PPFIA2: variants seen among roughly 807,000 people sequenced by gnomAD.
PPFIA2 encodes the protein PPFI scaffold protein A2.
Under a neutral mutation model 175.5 loss-of-function variants are expected in PPFIA2, and 46 were observed. That is an observed-to-expected ratio of 0.26 (90% confidence interval 0.21 to 0.34). PPFIA2 has a LOEUF of 0.34. PPFIA2 is among the 10% of genes least tolerant of loss of function. PPFIA2 has a pLI of 1.00. For synonymous variants in PPFIA2, 568 were observed against 511.4 expected (o/e 1.11, Z -1.49); for missense variants, 1,179 against 1,506.1 (o/e 0.78, Z 3.60).
At chr12:81,599,349 T>C (rs2059568212) in intron 4 of PPFIA2, among the ~76,000 whole-genome samples, 1 of 152,008 alleles carries the variant, frequency 6.6e-6, no homozygotes, top group African/African-American at 2.4e-5. Flanking sequence ...TCTCCAATTA[T>C]GCATGAAGTT....
At chr12:81,626,537 G>C (rs1410977365) in intron 4 of PPFIA2, among the ~76,000 whole-genome samples, 1 of 152,004 alleles carries the variant, frequency 6.6e-6, no homozygotes, top group Non-Finnish European at 1.5e-5. Flanking sequence ...CTCTTGTGCT[G>C]TTTGAGTCAC....
At chr12:81,456,877 T>A (rs2053653602) in intron 5 of PPFIA2, among the ~76,000 whole-genome samples, 1 of 152,146 alleles carries the variant, frequency 6.6e-6, no homozygotes, top group South Asian at 2.1e-4. Context: ...TTTCATGAAA[T>A]CAGAATATCA....
At chr12:81,599,555 T>C (rs1409620984) in intron 4 of PPFIA2, among the ~76,000 whole-genome samples, 2 of 152,016 alleles carry the variant, frequency 1.3e-5, no homozygotes, top group Non-Finnish European at 2.9e-5. Flanking sequence ...GTACAGAGAA[T>C]TCCTGTATGT....
intron 3 of PPFIA2, among the ~76,000 whole-genome samples, chr12:81,713,235 A>G (rs1406449411): frequency 6.6e-6 from 1 of 151,136 alleles, no homozygotes; most frequent in African/African-American, 2.4e-5. Flanking sequence ...CTTCAAAGCA[A>G]ACTTATGAGG....
At chr12:81,572,108 T>C (rs144199051) in intron 4 of PPFIA2, among the ~76,000 whole-genome samples, 2,242 of 152,180 alleles carry the variant, frequency 0.015, 48 homozygotes, top group East Asian at 0.042. Flanking sequence ...GCTGGTCTCC[T>C]TGCTTTGTTA....
intron 4 of PPFIA2, among the ~76,000 whole-genome samples, chr12:81,646,185 A>C (rs1260044380): frequency 6.6e-6 from 1 of 152,186 alleles, no homozygotes; most frequent in Non-Finnish European, 1.5e-5. Flanking sequence ...GGGAGGAGTA[A>C]GACACCAACT....
rs541728256 is a variant in PPFIA2, at chr12:81,514,839, TA to T, written c.304-56974del. On this transcript the variant is annotated intron_variant, in intron 4 of 32. Transcript: ENST00000549396. ...TTCCTTGATACAAGATTGGTAGAAA[TA>T]AATTAACTCATTTATTATTCTATGA... 1.8e-4 allele frequency among the ~76,000 whole-genome samples: 28 copies of T among 152,088 alleles called. No individual in the cohort carries two copies. The East Asian group carries it at 5.2e-3, about 28-fold the overall frequency.
intron 7 of PPFIA2, among the ~76,000 whole-genome samples, chr12:81,437,526 C>T (rs538389555): frequency 6.6e-6 from 1 of 152,302 alleles, no homozygotes; most frequent in East Asian, 1.9e-4. Flanking sequence ...AACCACCACA[C>T]CTGGCCTATG....
chr12:81,398,191 T>C (rs906968022), intron 8 of PPFIA2, among the ~76,000 whole-genome samples: 2 of 152,010 alleles, frequency 1.3e-5, no homozygotes, highest in Admixed American at 6.6e-5. Context: ...TTGGGGACCA[T>C]TGGAGTAGAC....
At chr12:81,583,203 T>A (rs2153430594) in intron 4 of PPFIA2, among the ~76,000 whole-genome samples, 1 of 152,054 alleles carries the variant, frequency 6.6e-6, no homozygotes, top group East Asian at 1.9e-4. Flanking sequence ...AAGACATTAT[T>A]TCCAATATTT....
chr12:81,632,944 G>A (rs539017214), intron 4 of PPFIA2, among the ~76,000 whole-genome samples: 1 of 152,166 alleles, frequency 6.6e-6, no homozygotes, highest in East Asian at 1.9e-4. Context: ...TGGCATTGGA[G>A]CCCATACTGC....
intron 4 of PPFIA2, among the ~76,000 whole-genome samples, chr12:81,567,271 G>A (rs1464992829): frequency 6.6e-6 from 1 of 152,052 alleles, no homozygotes; most frequent in South Asian, 2.1e-4. Context: ...GGATGGTCTC[G>A]ATCTCCTGAC....
At chr12:81,277,437 A>G in intron 27 of PPFIA2, 23 bp from the exon 28 acceptor site, 2 of 1,490,950 alleles carry the variant, frequency 1.3e-6, no homozygotes, top group Non-Finnish European at 1.8e-6. Flanking sequence ...TTAAAAAAAA[A>G]AAAACACAGT....
At chr12:81,416,149 TAAG>T (rs1395038526) in intron 7 of PPFIA2, among the ~76,000 whole-genome samples, 4 of 151,502 alleles carry the variant, frequency 2.6e-5, no homozygotes, top group African/African-American at 9.7e-5. Flanking sequence ...GGAAGAATAG[TAAG>T]AAAAATAGCC....
At chr12:81,362,021 C>G (rs527946636) in intron 15 of PPFIA2, among the ~76,000 whole-genome samples, 79 of 148,302 alleles carry the variant, frequency 5.3e-4, no homozygotes, top group African/African-American at 1.5e-3. Context: ...ATCTATCTAT[C>G]TATCTATCTA....
chr12:81,378,092 G>T (rs1003801757), intron 9 of PPFIA2: 4 of 152,160 alleles, frequency 2.6e-5, no homozygotes, highest in African/African-American at 9.7e-5. Context: ...GAATGCCAAT[G>T]ACTCCCAGTA....
At chr12:81,391,516 A>G (rs1390438981) in intron 8 of PPFIA2, among the ~76,000 whole-genome samples, 1 of 151,994 alleles carries the variant, frequency 6.6e-6, no homozygotes, top group African/African-American at 2.4e-5. Flanking sequence ...GGGAAGTAAC[A>G]TGTAAAACTG....
chr12:81,606,133 C>T (rs1177350305), intron 4 of PPFIA2, among the ~76,000 whole-genome samples: 2 of 151,948 alleles, frequency 1.3e-5, no homozygotes, highest in Admixed American at 6.6e-5. Context: ...ATCTATGTTT[C>T]TGCAAAGGAC....
intron 3 of PPFIA2, among the ~76,000 whole-genome samples, chr12:81,741,010 T>C (rs1274109462): frequency 6.6e-6 from 1 of 152,150 alleles, no homozygotes; most frequent in African/African-American, 2.4e-5. Context: ...AAAAGTGGCT[T>C]AGTTTAAGAA....
Sources: gnomAD v4.1 joint callset for allele counts (sites outside exome capture counted in the v4.1 genomes callset) on GRCh38, gnomAD v4.1.1 for gene constraint, MANE v1.5 for transcripts, NCBI Gene and HGNC (gene_info 2026-07-23, HGNC 2026-07-21) for gene names.